The following ABL1 variants were observed in gnomAD, a reference collection of about 807,000 sequenced individuals.
The protein encoded by ABL1 is ABL proto-oncogene 1, non-receptor tyrosine kinase, also known as tyrosine-protein kinase ABL1.
ABL1 carries 11 observed loss-of-function variants against 94.7 expected under a neutral mutation model. The ratio of observed to expected loss-of-function variants is 0.12; its 90% confidence interval spans 0.07 to 0.19. The LOEUF is 0.19. Ranked by LOEUF, ABL1 falls within the 10% of genes least tolerant of loss-of-function variation. ABL1 has a pLI of 1.00. For missense variants in ABL1, 1,082 were observed against 1,489.4 expected (o/e 0.73, Z 4.50); for synonymous variants, 656 against 622.4 (o/e 1.05, Z -0.80).
intron 1 of ABL1, among the ~76,000 whole-genome samples, chr9:130,750,221 A>ATATG (rs1564278644): frequency 7.8e-6 from 1 of 127,700 alleles, no homozygotes; most frequent in Non-Finnish European, 1.7e-5. Context: ...ATATATATAT[A>ATATG]TATATATATA....
chr9:130,833,666 T>C (rs1270339767), upstream of ABL1, among the ~76,000 whole-genome samples: 4 of 152,120 alleles, frequency 2.6e-5, no homozygotes, highest in Admixed American at 2.0e-4. Flanking sequence ...TAAAAATACA[T>C]GTTGTATGTT....
chr9:130,770,977 C>T (rs1313248075), intron 1 of ABL1, among the ~76,000 whole-genome samples: 1 of 152,208 alleles, frequency 6.6e-6, no homozygotes, highest in Admixed American at 6.5e-5. Flanking sequence ...AATAGTTGAA[C>T]TCTAAAATTT....
chr9:130,851,771 T>C (rs1038912505), intron 1 of ABL1, among the ~76,000 whole-genome samples: 1 of 148,926 alleles, frequency 6.7e-6, no homozygotes, highest in African/African-American at 2.5e-5. Context: ...TTTTTCTTTT[T>C]TTTTTTTTTT....
chr9:130,788,188 CCT>C (rs1191967200), intron 1 of ABL1, among the ~76,000 whole-genome samples: 2 of 152,150 alleles, frequency 1.3e-5, no homozygotes, highest in African/African-American at 2.4e-5. Flanking sequence ...TTTGAACACC[CCT>C]GTTTTACTTT....
At chr9:130,800,508 A>G (rs1204488627) in intron 1 of ABL1, among the ~76,000 whole-genome samples, 1 of 152,096 alleles carries the variant, frequency 6.6e-6, no homozygotes, top group Non-Finnish European at 1.5e-5. Flanking sequence ...CTCAACATTA[A>G]AAGTTTTCCT....
intron 1 of ABL1, among the ~76,000 whole-genome samples, chr9:130,760,348 G>A (rs929435362): frequency 6.6e-6 from 1 of 152,000 alleles, no homozygotes; most frequent in African/African-American, 2.4e-5. Flanking sequence ...GTTCCTTTTG[G>A]GTTTGTAATA....
chr9:130,875,332 G>A (rs1286625781), intron 7 of ABL1, among the ~76,000 whole-genome samples: 1 of 152,002 alleles, frequency 6.6e-6, no homozygotes, highest in African/African-American at 2.4e-5. Context: ...TAGTAGAGAT[G>A]GGGTTTCACC....
chr9:130,724,834 TC>T lies in ABL1; in HGVS notation c.136+10381del. ...CTGCCCTTTTGGGTTTAGGTGTTGT[TC>T]CTTTATGGAAATCCACGCCGCTTCA... On this transcript the variant is annotated intron_variant, in intron 1 of 10. Transcript: ENST00000372348. 4.5e-5 allele frequency: 22 copies of T among 490,066 alleles called. 1 individual carries two copies. Among genetic ancestry groups the T allele is most frequent in the South Asian group, 3.3e-4 (22 of 67,082 alleles). 30.4% of individuals were successfully genotyped at this position (490,066 alleles called of 1,614,324 possible). A position where few individuals can be genotyped will look rare whatever the true frequency, so the allele number is the denominator to read the frequency against.
chr9:130,764,818 T>C (rs1832160034), intron 1 of ABL1, among the ~76,000 whole-genome samples: 2 of 151,918 alleles, frequency 1.3e-5, no homozygotes, highest in African/African-American at 4.8e-5. Context: ...TAGCTGGGCG[T>C]GGTGGCGCAT....
chr9:130,756,524 G>GC (rs1301756991), intron 1 of ABL1, among the ~76,000 whole-genome samples: 1 of 152,064 alleles, frequency 6.6e-6, no homozygotes, highest in Non-Finnish European at 1.5e-5. Context: ...TATATTCCAA[G>GC]CCACTGAGCT....
chr9:130,716,748 AT>A (rs879468000), intron 1 of ABL1, among the ~76,000 whole-genome samples: 78 of 147,774 alleles, frequency 5.3e-4, no homozygotes, highest in South Asian at 3.4e-3. Flanking sequence ...ATTTTGGAGA[AT>A]TTTTTTTTTT....
intron 1 of ABL1, among the ~76,000 whole-genome samples, chr9:130,846,531 C>A (rs959007875): frequency 1.3e-5 from 2 of 152,224 alleles, no homozygotes; most frequent in African/African-American, 2.4e-5. Flanking sequence ...CTGTCCCCCC[C>A]ACACTGAACC....
chr9:130,885,500 T>C lies in ABL1; in HGVS notation c.3210T>C (p.Tyr1070=), dbSNP rs1435260017. The C allele has an allele frequency of 6.2e-7, 1 of 1,614,016 alleles. No homozygotes were observed. The highest frequency in any genetic ancestry group is 1.3e-5 in the African/African-American group (1 of 74,946). ...GKNLYTFCVS[Y]VDSIQQMRNK... Reference sequence around the variant, plus strand: ...ACCTCTACACGTTCTGCGTGAGCTATGTGGATTCCATCCAGCAAATGAGGA... The same window carrying C: ...ACCTCTACACGTTCTGCGTGAGCTACGTGGATTCCATCCAGCAAATGAGGA... The change falls in exon 11 of 11, where the codon TAT becomes TAC. Residue 1070 remains tyrosine, a synonymous_variant. Transcript: ENST00000318560.
At chr9:130,829,980 C>G (rs1010538407) in intron 1 of ABL1, among the ~76,000 whole-genome samples, 6 of 152,244 alleles carry the variant, frequency 3.9e-5, no homozygotes, top group East Asian at 1.9e-4. Context: ...GCTGTCTCTG[C>G]GGAAACATAC....
chr9:130,807,473 C>A (rs1481789449), intron 1 of ABL1, among the ~76,000 whole-genome samples: 1 of 151,862 alleles, frequency 6.6e-6, no homozygotes, highest in Non-Finnish European at 1.5e-5. Flanking sequence ...CTCCTGACTT[C>A]AAGTGATCTG....
At chr9:130,877,744 A>G (rs1341037847) in intron 7 of ABL1, among the ~76,000 whole-genome samples, 1 of 145,864 alleles carries the variant, frequency 6.9e-6, no homozygotes, top group Non-Finnish European at 1.5e-5. Flanking sequence ...GGGTTCAAGC[A>G]ATTCTCCTGC....
intron 2 of ABL1, 126 bp downstream of exon 2, chr9:130,854,363 A>C: frequency 9.3e-7 from 1 of 1,074,382 alleles, no homozygotes. Context: ...GATATCCAAA[A>C]CAACAACTGC....
intron 3 of ABL1, among the ~76,000 whole-genome samples, chr9:130,856,147 G>C (rs1474984867): frequency 1.3e-5 from 2 of 152,168 alleles, no homozygotes; most frequent in African/African-American, 4.8e-5. Flanking sequence ...GGAGTGCAAT[G>C]GTGCGTTCTC....
intron 1 of ABL1, among the ~76,000 whole-genome samples, chr9:130,819,373 A>C (rs1830328750): frequency 6.6e-6 from 1 of 151,854 alleles, no homozygotes; most frequent in Non-Finnish European, 1.5e-5. Flanking sequence ...TAAATAAATA[A>C]AAGACAAAAT....
Sources: gnomAD v4.1 joint callset for allele counts (sites outside exome capture counted in the v4.1 genomes callset) on GRCh38, gnomAD v4.1.1 for gene constraint, MANE v1.5 for transcripts, NCBI Gene and HGNC (gene_info 2026-07-23, HGNC 2026-07-21) for gene names.